The following COL28A1 variants were observed in gnomAD, a reference collection of about 807,000 sequenced individuals.
COL28A1 encodes collagen alpha-1(XXVIII) chain.
Under a neutral mutation model 150.2 loss-of-function variants are expected in COL28A1, and 161 were observed. The ratio of observed to expected loss-of-function variants is 1.07; its 90% CI spans 0.94 to 1.22. The LOEUF (loss-of-function observed/expected upper bound fraction) is 1.22. Ranked by LOEUF, COL28A1 falls within the 50% of genes most tolerant of loss-of-function variation. The pLI is 0.00. For synonymous variants in COL28A1, 552 were observed against 469.7 expected (o/e 1.18, Z -2.26); for missense variants, 1,617 against 1,388.3 (o/e 1.16, Z -2.62).
chr7:7,378,861 T>A (rs1487876960), intron 30 of COL28A1, among the ~76,000 whole-genome samples: 2 of 152,154 alleles, frequency 1.3e-5, no homozygotes, highest in East Asian at 3.8e-4. Context: ...CCTGTCACCG[T>A]CTTCTTGTAC....
intron 32 of COL28A1, 48 bp downstream of exon 32, chr7:7,372,950 G>A (rs578148010): frequency 3.3e-6 from 5 of 1,519,398 alleles, no homozygotes; most frequent in South Asian, 2.5e-5. Context: ...ATGGTACTTA[G>A]AGGAACAACA....
intron 13 of COL28A1, among the ~76,000 whole-genome samples, chr7:7,479,970 C>T (rs987203376): frequency 1.3e-5 from 2 of 152,154 alleles, no homozygotes; most frequent in African/African-American, 4.8e-5. Flanking sequence ...TGAATCTAAA[C>T]AAATAATTAG....
intron 11 of COL28A1, among the ~76,000 whole-genome samples, chr7:7,501,862 A>G (rs1454338450): frequency 1.3e-5 from 2 of 152,126 alleles, no homozygotes; most frequent in African/African-American, 4.8e-5. Flanking sequence ...TTGTGTGATT[A>G]CAATTCTAAC....
chr7:7,415,872 AGCTTACTGCAGCCTCTGCCTCCT>A (rs748009742), intron 27 of COL28A1, among the ~76,000 whole-genome samples: 16 of 150,316 alleles, frequency 1.1e-4, no homozygotes, highest in Non-Finnish European at 1.9e-4. Context: ...GCACTATCTC[AGCTTACTGCAGCCTCTGCCTCCT>A]GGGTTCAAGC....
At chr7:7,391,115 G>A (rs191121294) in intron 27 of COL28A1, among the ~76,000 whole-genome samples, 1 of 152,266 alleles carries the variant, frequency 6.6e-6, no homozygotes, top group Non-Finnish European at 1.5e-5. Flanking sequence ...TGGGCATTTC[G>A]TGCTATAAAT....
intron 27 of COL28A1, among the ~76,000 whole-genome samples, chr7:7,411,569 C>T (rs562676535): frequency 1.3e-5 from 2 of 152,244 alleles, no homozygotes; most frequent in East Asian, 3.9e-4. Flanking sequence ...CTTTCCTGCT[C>T]ATCTCTCCCC....
rs1047657033 is a variant in COL28A1, at chr7:7,490,437, C to A, written c.1095+141G>T. Reference sequence around the variant, plus strand: ...GCCCCTGACAAGCACATTTCTGTGTCCAAGCACATAAAATGAAGTAACTTC... The same window carrying A: ...GCCCCTGACAAGCACATTTCTGTGTACAAGCACATAAAATGAAGTAACTTC... On this transcript the variant is annotated intron_variant, in intron 12 of 34. Coordinates refer to ENST00000399429, the MANE Select transcript of COL28A1 (RefSeq NM_001037763.3). 7 of 490,988 alleles carry A rather than the reference C, an allele frequency of 1.4e-5. No homozygotes were observed. In the East Asian group the frequency reaches 2.3e-4, roughly 16 times the overall value. 30.4% of individuals were successfully genotyped at this position (490,988 alleles called of 1,614,324 possible).
At chr7:7,366,816 G>A (rs900020936) in intron 33 of COL28A1, among the ~76,000 whole-genome samples, 1 of 152,192 alleles carries the variant, frequency 6.6e-6, no homozygotes, top group African/African-American at 2.4e-5. Flanking sequence ...ATTGCCTAGG[G>A]TAGGCTCAGG....
In COL28A1 at chr7:7,358,772, T is replaced by C. The variant is rs1425322684; in HGVS notation, c.3239A>G (p.Asn1080Ser). 3.7e-6 allele frequency: 6 copies of C among 1,613,804 alleles called. No homozygotes were observed. Among genetic ancestry groups the C allele is most frequent in the Non-Finnish European group, 5.1e-6 (6 of 1,179,900 alleles). ...CCATCGAACCACATATTCACCACAG[T>C]TTCCAGGCTTCAAGGCTTCCAAACA... is the stretch of plus-strand genomic sequence containing the variant. ...PRCLEALKPG[N>S]CGEYVVRWYY... Residue 1080 changes from asparagine (N) to serine (S), a missense_variant, in exon 35 of 35, where the codon AAC (asparagine) becomes AGC (serine). Asn to Ser is a conservative substitution (Grantham distance 46). Transcript: ENST00000399429.
intron 17 of COL28A1, 140 bp downstream of exon 17, chr7:7,453,300 A>C: frequency 1.5e-6 from 1 of 656,762 alleles, no homozygotes; most frequent in South Asian, 1.8e-5. Flanking sequence ...TGTCAGGAAT[A>C]TCAGTAACAT....
At chr7:7,372,484 TTCA>T (rs1279413119) in intron 32 of COL28A1, among the ~76,000 whole-genome samples, 1 of 152,164 alleles carries the variant, frequency 6.6e-6, no homozygotes, top group Admixed American at 6.5e-5. Context: ...AACCTGTTTA[TTCA>T]TCATTATCTG....
chr7:7,370,185 T>C (rs1175620129), intron 33 of COL28A1, among the ~76,000 whole-genome samples: 1 of 152,212 alleles, frequency 6.6e-6, no homozygotes, highest in Non-Finnish European at 1.5e-5. Context: ...GAGCATCTAC[T>C]TTGCACCATA....
At chr7:7,473,882 T>C (rs1788646256) in intron 15 of COL28A1, among the ~76,000 whole-genome samples, 1 of 150,566 alleles carries the variant, frequency 6.6e-6, no homozygotes. Context: ...TTATATATAG[T>C]GTGTGTTTGT....
chr7:7,377,160 G>A (rs1274178017), intron 30 of COL28A1, among the ~76,000 whole-genome samples: 4 of 152,140 alleles, frequency 2.6e-5, no homozygotes, highest in Non-Finnish European at 4.4e-5. Flanking sequence ...AGCAATGCAT[G>A]TATCAAGGTT....
chr7:7,364,883 T>C (rs1186617282), intron 33 of COL28A1, among the ~76,000 whole-genome samples: 1 of 152,214 alleles, frequency 6.6e-6, no homozygotes, highest in Non-Finnish European at 1.5e-5. Context: ...ATTAAATAAA[T>C]TCACAATGGG....
intron 25 of COL28A1, among the ~76,000 whole-genome samples, chr7:7,426,191 A>G (rs1784633889): frequency 1.3e-5 from 2 of 152,212 alleles, no homozygotes; most frequent in African/African-American, 4.8e-5. Flanking sequence ...AAATGATGAA[A>G]CTGAGGAATG....
chr7:7,383,860 C>A (rs1256650816), intron 27 of COL28A1, among the ~76,000 whole-genome samples: 2 of 151,750 alleles, frequency 1.3e-5, no homozygotes, highest in African/African-American at 4.8e-5. Flanking sequence ...TTTTATATGC[C>A]TTTGCACACT....
At chr7:7,483,187 C>T (rs544407696) in intron 13 of COL28A1, among the ~76,000 whole-genome samples, 14 of 152,216 alleles carry the variant, frequency 9.2e-5, no homozygotes, top group African/African-American at 2.9e-4. Context: ...GAATGCATTG[C>T]GTTTGCATCC....
intron 7 of COL28A1, among the ~76,000 whole-genome samples, chr7:7,517,363 C>G (rs958801700): frequency 1.3e-5 from 2 of 152,100 alleles, no homozygotes; most frequent in Non-Finnish European, 2.9e-5. Context: ...CCACTATCTT[C>G]TAATTTGGGG....
Sources: allele counts gnomAD v4.1 joint callset (sites outside exome capture counted in the v4.1 genomes callset), GRCh38; gene constraint gnomAD v4.1.1; transcripts MANE v1.5; gene names NCBI Gene and HGNC (gene_info 2026-07-23, HGNC 2026-07-21).